The following FBXW2 variants were observed in gnomAD, a reference collection of about 807,000 sequenced individuals.
FBXW2 encodes the protein F-box/WD repeat-containing protein 2.
Under a neutral mutation model 46.0 loss-of-function variants are expected in FBXW2, and 12 were observed. That is an observed-to-expected ratio of 0.26 (90% CI 0.17 to 0.42). FBXW2 has a LOEUF of 0.42. Among genes scored for constraint, FBXW2 ranks in the 10% least tolerant of loss-of-function variants. The pLI is 1.00. For synonymous variants in FBXW2, 203 were observed against 209.6 expected, an observed-to-expected ratio of 0.97 and a Z score of 0.27; for missense variants, 360 against 537.0, an observed-to-expected ratio of 0.67 and a Z score of 3.26.
At chr9:120,784,948 G>T (rs551340895) in intron 3 of FBXW2, among the ~76,000 whole-genome samples, 5 of 151,260 alleles carry the variant, frequency 3.3e-5, no homozygotes, top group African/African-American at 1.2e-4. Context: ...GCTACAGGTG[G>T]TTGTGAAAAA....
At chr9:120,791,372 T>C (rs2044837050) in intron 2 of FBXW2, among the ~76,000 whole-genome samples, 1 of 152,250 alleles carries the variant, frequency 6.6e-6, no homozygotes, top group East Asian at 1.9e-4. Flanking sequence ...GAAAATACTT[T>C]GGAGGTTGGC....
intron 3 of FBXW2, among the ~76,000 whole-genome samples, chr9:120,780,734 T>C (rs933253865): frequency 6.6e-6 from 1 of 152,166 alleles, no homozygotes; most frequent in Non-Finnish European, 1.5e-5. Flanking sequence ...AACATATATT[T>C]ATAGAACTTC....
intron 7 of FBXW2, among the ~76,000 whole-genome samples, chr9:120,769,760 C>T (rs769108598): frequency 6.6e-6 from 1 of 152,120 alleles, no homozygotes; most frequent in Non-Finnish European, 1.5e-5. Context: ...CATGAATGGA[C>T]GAATGTTGGA....
intron 3 of FBXW2, among the ~76,000 whole-genome samples, chr9:120,786,343 T>C (rs1000569913): frequency 2.6e-5 from 4 of 152,146 alleles, no homozygotes; most frequent in African/African-American, 9.7e-5. Context: ...AAGGGCCTCT[T>C]CCTGCTTCAC....
chr9:120,769,321 G>A (rs540781453), intron 7 of FBXW2, among the ~76,000 whole-genome samples: 3 of 152,134 alleles, frequency 2.0e-5, no homozygotes, highest in South Asian at 2.1e-4. Context: ...GACTCTTTTC[G>A]GAGAAAAAAT....
intron 5 of FBXW2, among the ~76,000 whole-genome samples, chr9:120,773,058 A>G (rs999223203): frequency 1.3e-5 from 2 of 152,150 alleles, no homozygotes; most frequent in Non-Finnish European, 2.9e-5. Flanking sequence ...GAGGTGGGTC[A>G]CGCCTATAAT....
At chr9:120,772,694 A>T (rs1207199393) in intron 6 of FBXW2, 60 bp downstream of exon 6, 3 of 1,183,816 alleles carry the variant, frequency 2.5e-6, no homozygotes, top group Non-Finnish European at 3.6e-6. Context: ...TACCACTTTC[A>T]TTTTCTTATG....
At chr9:120,781,790 A>C (rs776235179) in intron 3 of FBXW2, among the ~76,000 whole-genome samples, 97 of 152,238 alleles carry the variant, frequency 6.4e-4, no homozygotes, top group Non-Finnish European at 1.2e-3. Context: ...TGGGAGGCCG[A>C]GGCGGGAGGA....
At position 120,764,092 on chromosome 9, in the gene FBXW2, T is replaced by G; in HGVS notation, c.*467A>C. The G allele has an allele frequency of 7.1e-6, 2 of 282,156 alleles. No homozygotes were observed. The highest frequency in any genetic ancestry group is 1.3e-5 in the Non-Finnish European group (2 of 153,406). 17.5% of individuals were successfully genotyped at this position (282,156 alleles called of 1,614,324 possible). ...GTGGAAGTTTTAACACTGGCTCTTA[T>G]AAGAGCTAAACCCCGTGTGAGGAAA... On this transcript the variant is annotated 3_prime_UTR_variant, in exon 8 of 8. Transcript: ENST00000608872.
chr9:120,773,462 G>C (rs2044423702), intron 5 of FBXW2, among the ~76,000 whole-genome samples: 1 of 152,154 alleles, frequency 6.6e-6, no homozygotes, highest in Non-Finnish European at 1.5e-5. Flanking sequence ...TCAGTTTCTT[G>C]ATCTTTAAAA....
intron 5 of FBXW2, among the ~76,000 whole-genome samples, chr9:120,774,199 T>C (rs772176808): frequency 2.6e-5 from 4 of 151,746 alleles, no homozygotes; most frequent in East Asian, 3.9e-4. Flanking sequence ...TAGCCAGGCA[T>C]GGTGGTGGGC....
chr9:120,782,581 C>T (rs1042456453), intron 3 of FBXW2, among the ~76,000 whole-genome samples: 1 of 152,122 alleles, frequency 6.6e-6, no homozygotes, highest in Non-Finnish European at 1.5e-5. Flanking sequence ...GTGGCTCATG[C>T]CTGTAATCCC....
chr9:120,761,175 A>T lies in FBXW2; in HGVS notation c.*3384T>A, dbSNP rs1480550406. The stretch of plus-strand genomic sequence containing the variant: ...AGATTTGGCAATGTGTATTACTTCA[A>T]ATGATTGAGCTGGAGGAAACTACAT... On this transcript the variant is annotated 3_prime_UTR_variant, in exon 8 of 8. Coordinates refer to ENST00000608872, the MANE Select transcript of FBXW2 (RefSeq NM_012164.4). 6.6e-6 allele frequency: 1 copy of T among 152,202 alleles called. No individual in the cohort carries two copies. The highest frequency in any genetic ancestry group is 2.4e-5 in the African/African-American group (1 of 41,446). 9.4% of individuals were successfully genotyped at this position (152,202 alleles called of 1,614,324 possible).
Position 120,792,995 on chromosome 9 carries a change from CACTGTTA to C in FBXW2, c.-21+147_-21+153del, listed in dbSNP as rs748038811. 1.6e-4 allele frequency: 246 copies of C among 1,524,138 alleles called. 2 individuals are homozygous for C. In the East Asian group the frequency reaches 3.0e-3, roughly 19 times the overall value. The allele number at this position is 1,524,138 out of a possible 1,614,324, so 94.4% of individuals were successfully genotyped here. A position where few individuals can be genotyped will look rare whatever the true frequency, so the allele number is the denominator to read the frequency against. ...CAAACGTTTGGTAGCCCTGGGACAT[CACTGTTA>C]ACTCATTTCGCAGCTAAGGAAATGG... On this transcript the variant is annotated intron_variant, in intron 2 of 7. Transcript: ENST00000608872.
At chr9:120,790,463 G>A (rs1588053575) in intron 2 of FBXW2, among the ~76,000 whole-genome samples, 3 of 151,992 alleles carry the variant, frequency 2.0e-5, no homozygotes, top group Admixed American at 2.0e-4. Context: ...CAGCCGGGGC[G>A]AGAGAGCAAG....
chr9:120,789,664 GAA>G (rs1160391412), intron 2 of FBXW2, among the ~76,000 whole-genome samples: 1 of 152,006 alleles, frequency 6.6e-6, no homozygotes, highest in Non-Finnish European at 1.5e-5. Context: ...TGTGAAAAAG[GAA>G]AGTTAATTTC....
intron 7 of FBXW2, among the ~76,000 whole-genome samples, chr9:120,769,688 G>A (rs1442108731): frequency 6.6e-6 from 1 of 152,090 alleles, no homozygotes; most frequent in East Asian, 1.9e-4. Flanking sequence ...ATTTTCCCCT[G>A]TTTTTGGTGT....
intron 2 of FBXW2, among the ~76,000 whole-genome samples, chr9:120,789,289 C>T (rs1480764265): frequency 6.6e-6 from 1 of 152,210 alleles, no homozygotes; most frequent in East Asian, 1.9e-4. Flanking sequence ...GTGGTAAGAT[C>T]TGGAGGTAGT....
rs752220825 is a variant in FBXW2 at position 120,778,416 on chromosome 9, G to T, written c.620C>A (p.Thr207Asn). The T allele has an allele frequency of 1.9e-6, 3 of 1,613,424 alleles. No homozygotes were observed. Among genetic ancestry groups the T allele is most frequent in the Non-Finnish European group, 2.5e-6 (3 of 1,179,862 alleles). Reference sequence around the variant, plus strand: ...GGAACTCCATTCCCAGCAAGCCACAGTGTTGTCAAAGGAGCCTGTCACAAG... The same window carrying T: ...GGAACTCCATTCCCAGCAAGCCACATTGTTGTCAAAGGAGCCTGTCACAAG... ...QKLVTGSFDN[T>N]VACWEWSSGA... The change falls in exon 4 of 8, where the codon ACT (threonine) becomes AAT (asparagine). Residue 207 changes from threonine to asparagine, a missense_variant. Physicochemically the swap from Thr to Asn is moderately conservative, Grantham distance 65. Transcript: ENST00000608872.
Sources: allele counts gnomAD v4.1 joint callset (sites outside exome capture counted in the v4.1 genomes callset), GRCh38; gene constraint gnomAD v4.1.1; transcripts MANE v1.5; gene names NCBI Gene and HGNC (gene_info 2026-07-23, HGNC 2026-07-21).